The following FARS2 variants were observed in gnomAD, a reference collection of about 807,000 sequenced individuals.
FARS2 encodes phenylalanine--tRNA ligase, mitochondrial.
A neutral mutation model predicts 46.4 loss-of-function variants in FARS2; 40 were observed. The ratio of observed to expected loss-of-function variants is 0.86; its 90% CI spans 0.67 to 1.12. The LOEUF (loss-of-function observed/expected upper bound fraction) is 1.12, where lower values mean the gene tolerates loss of function less well. Among genes scored for constraint, FARS2 ranks in the 50% most tolerant of loss-of-function variants. FARS2 has a pLI of 0.00. For synonymous variants in FARS2, 234 were observed against 214.9 expected (o/e 1.09, Z -0.78); for missense variants, 513 against 567.9 (o/e 0.90, Z 0.98).
chr6:5,712,315 A>C (rs1487677716), intron 6 of FARS2, among the ~76,000 whole-genome samples: 1 of 152,216 alleles, frequency 6.6e-6, no homozygotes, highest in African/African-American at 2.4e-5. Flanking sequence ...AAAATAAATC[A>C]GGCCACTCAG....
At chr6:5,616,757 G>T (rs1263786191) in intron 6 of FARS2, among the ~76,000 whole-genome samples, 2 of 152,102 alleles carry the variant, frequency 1.3e-5, no homozygotes, top group Non-Finnish European at 1.5e-5. Flanking sequence ...CTGGAATCAG[G>T]GATTTGGAAT....
chr6:5,387,596 A>G (rs1760218570), intron 2 of FARS2, among the ~76,000 whole-genome samples: 1 of 152,216 alleles, frequency 6.6e-6, no homozygotes, highest in Non-Finnish European at 1.5e-5. Context: ...TCTTCTCCAA[A>G]ATTTGGTTCT....
intron 6 of FARS2, among the ~76,000 whole-genome samples, chr6:5,652,229 G>A (rs942365065): frequency 2.0e-5 from 3 of 152,182 alleles, no homozygotes; most frequent in Non-Finnish European, 2.9e-5. Context: ...TAAAGCTACA[G>A]AGAGACCCAC....
chr6:5,720,528 T>C (rs1267449252), intron 6 of FARS2, among the ~76,000 whole-genome samples: 1 of 152,242 alleles, frequency 6.6e-6, no homozygotes, highest in Non-Finnish European at 1.5e-5. Context: ...TCATTCAGCA[T>C]TTATTGTGTA....
At chr6:5,441,389 T>C (rs1269155869) in intron 4 of FARS2, among the ~76,000 whole-genome samples, 2 of 152,224 alleles carry the variant, frequency 1.3e-5, no homozygotes, top group African/African-American at 4.8e-5. Flanking sequence ...CCCTCCCTTC[T>C]ATAAGCAATC....
intron 2 of FARS2, among the ~76,000 whole-genome samples, chr6:5,384,874 A>G (rs576526572): frequency 1.1e-4 from 16 of 152,144 alleles, no homozygotes; most frequent in Admixed American, 3.9e-4. Flanking sequence ...ATCTCTTCCC[A>G]TTAATCCACT....
intron 6 of FARS2, among the ~76,000 whole-genome samples, chr6:5,654,541 A>T (rs1777517677): frequency 6.6e-6 from 1 of 152,186 alleles, no homozygotes; most frequent in Admixed American, 6.5e-5. Flanking sequence ...TTCAACAAGG[A>T]TGAGTGTAAC....
intron 5 of FARS2, among the ~76,000 whole-genome samples, chr6:5,593,879 A>G (rs1235632118): frequency 6.6e-6 from 1 of 152,164 alleles, no homozygotes; most frequent in Non-Finnish European, 1.5e-5. Context: ...TTCAAACACA[A>G]TTAATGATGG....
chr6:5,686,719 G>C (rs1430473491), intron 6 of FARS2, among the ~76,000 whole-genome samples: 2 of 152,228 alleles, frequency 1.3e-5, no homozygotes, highest in African/African-American at 4.8e-5. Context: ...TATATACCCA[G>C]TAATGGGATG....
At chr6:5,750,265 G>C (rs1761871238) in intron 6 of FARS2, among the ~76,000 whole-genome samples, 2 of 152,096 alleles carry the variant, frequency 1.3e-5, no homozygotes, top group African/African-American at 4.8e-5. Flanking sequence ...GAAATGGAAG[G>C]TCGGGGGTGG....
At chr6:5,439,006 G>T (rs1434371509) in intron 4 of FARS2, among the ~76,000 whole-genome samples, 3 of 152,190 alleles carry the variant, frequency 2.0e-5, no homozygotes, top group African/African-American at 7.2e-5. Context: ...GTCATCTGTG[G>T]TGACTGTTGC....
chr6:5,432,326 A>AT (rs1562036323), intron 4 of FARS2, among the ~76,000 whole-genome samples: 1,192 of 37,504 alleles, frequency 0.032, 8 homozygotes, highest in Non-Finnish European at 0.056. Context: ...AAAAAAAAAA[A>AT]AATATATATA....
intron 4 of FARS2, among the ~76,000 whole-genome samples, chr6:5,499,650 T>G (rs1767673915): frequency 6.6e-6 from 1 of 152,212 alleles, no homozygotes; most frequent in Admixed American, 6.5e-5. Flanking sequence ...CGTAGAGTTC[T>G]TACCGTTTGC....
At chr6:5,593,623 CA>C (rs1464787057) in intron 5 of FARS2, among the ~76,000 whole-genome samples, 1 of 152,208 alleles carries the variant, frequency 6.6e-6, no homozygotes, top group African/African-American at 2.4e-5. Flanking sequence ...AGGCTGTCTC[CA>C]TATTACCTGT....
At chr6:5,589,209 C>T (rs1773784790) in intron 5 of FARS2, among the ~76,000 whole-genome samples, 1 of 152,182 alleles carries the variant, frequency 6.6e-6, no homozygotes, top group Non-Finnish European at 1.5e-5. Context: ...GGTCCCCCAA[C>T]CCCAGTTCGG....
chr6:5,696,220 C>A (rs1029354243), intron 6 of FARS2, among the ~76,000 whole-genome samples: 1 of 152,160 alleles, frequency 6.6e-6, no homozygotes, highest in Non-Finnish European at 1.5e-5. Flanking sequence ...TTCAAAGATA[C>A]GGGTACTGCA....
At chr6:5,759,361 A>G (rs536037619) in intron 6 of FARS2, among the ~76,000 whole-genome samples, 1 of 152,234 alleles carries the variant, frequency 6.6e-6, no homozygotes, top group Non-Finnish European at 1.5e-5. Context: ...AGCACATTGT[A>G]ATTTACATTT....
At chr6:5,299,555 C>A (rs759569899) in intron 1 of FARS2, among the ~76,000 whole-genome samples, 8 of 152,170 alleles carry the variant, frequency 5.3e-5, no homozygotes, top group Non-Finnish European at 1.2e-4. Flanking sequence ...ACTTGGGGTT[C>A]AGGGGAAACA....
intron 6 of FARS2, among the ~76,000 whole-genome samples, chr6:5,668,867 T>C (rs1334111911): frequency 2.0e-5 from 3 of 151,964 alleles, no homozygotes; most frequent in Non-Finnish European, 2.9e-5. Flanking sequence ...CTAATTTTTT[T>C]TGTATTTTTA....
Sources: gnomAD v4.1 joint callset for allele counts (sites outside exome capture counted in the v4.1 genomes callset) on GRCh38, gnomAD v4.1.1 for gene constraint, MANE v1.5 for transcripts, NCBI Gene and HGNC (gene_info 2026-07-23, HGNC 2026-07-21) for gene names.